ADARB2: variants seen among roughly 807,000 people sequenced by gnomAD.
The protein encoded by ADARB2 is adenosine deaminase RNA specific B2 (inactive).
ADARB2 carries 25 observed loss-of-function variants against 62.2 expected under a neutral mutation model. The observed-to-expected ratio is 0.40, with a 90% CI of 0.29 to 0.56. The LOEUF is 0.56. Among genes scored for constraint, ADARB2 ranks in the 20% least tolerant of loss-of-function variants. ADARB2 has a pLI of 0.43. For synonymous variants in ADARB2, 572 were observed against 500.8 expected, an observed-to-expected ratio of 1.14 and a Z score of -1.90; for missense variants, 1,071 against 1,077.4, an observed-to-expected ratio of 0.99 and a Z score of 0.08.
At chr10:1,544,951 A>C in intron 1 of ADARB2, among the ~76,000 whole-genome samples, 1 of 147,860 alleles carries the variant, frequency 6.8e-6, no homozygotes, top group Non-Finnish European at 1.5e-5. Flanking sequence ...TATAATAGCA[A>C]AGTATACACA....
chr10:1,578,662 A>C (rs1359207647), intron 1 of ADARB2, among the ~76,000 whole-genome samples: 1 of 144,956 alleles, frequency 6.9e-6, no homozygotes, highest in African/African-American at 2.5e-5. Context: ...TGTTACCCCA[A>C]ACACACACAC....
At chr10:1,592,160 T>C (rs1034658510) in intron 1 of ADARB2, among the ~76,000 whole-genome samples, 6 of 152,176 alleles carry the variant, frequency 3.9e-5, no homozygotes, top group African/African-American at 1.2e-4. Flanking sequence ...TGGGATAAAA[T>C]GCTTTTGATG....
chr10:1,640,420 C>T (rs1225524593), intron 1 of ADARB2, among the ~76,000 whole-genome samples: 1 of 152,140 alleles, frequency 6.6e-6, no homozygotes, highest in Non-Finnish European at 1.5e-5. Flanking sequence ...TTTTTTAAAG[C>T]AGGTTAAAAG....
At chr10:1,564,503 C>A (rs1832830531) in intron 1 of ADARB2, among the ~76,000 whole-genome samples, 1 of 152,114 alleles carries the variant, frequency 6.6e-6, no homozygotes, top group African/African-American at 2.4e-5. Context: ...ATTTTTGCAA[C>A]CTACTCATCT....
intron 1 of ADARB2, among the ~76,000 whole-genome samples, chr10:1,561,787 A>C (rs1248398742): frequency 6.6e-6 from 1 of 152,144 alleles, no homozygotes; most frequent in African/African-American, 2.4e-5. Flanking sequence ...CTTGGCACTC[A>C]GGATCCTCCC....
At position 1,676,167 on chromosome 10, in the gene ADARB2, T is replaced by G. The variant is rs188199889; in HGVS notation, c.100+60884A>C. The stretch of plus-strand genomic sequence containing the variant: ...ATGTGCAATATGAAATTAAGTGAGT[T>G]AATCGGTAGTTGGGAAATTATTAGA... On this transcript the variant is annotated intron_variant, in intron 1 of 9. Coordinates refer to ENST00000381312, the MANE Select transcript of ADARB2 (RefSeq NM_018702.4). The G allele has an allele frequency of 1.8e-4, 78 of 440,212 alleles. 1 individual carries two copies. The highest frequency in any genetic ancestry group is 1.6e-3 in the African/African-American group (76 of 46,884). The allele number at this position is 440,212 out of a possible 1,614,324, so 27.3% of individuals were successfully genotyped here.
intron 1 of ADARB2, among the ~76,000 whole-genome samples, chr10:1,634,292 A>T (rs2119048751): frequency 6.6e-6 from 1 of 152,352 alleles, no homozygotes; most frequent in Non-Finnish European, 1.5e-5. Context: ...CAGGCCACAG[A>T]CACAGCACAC....
intron 1 of ADARB2, among the ~76,000 whole-genome samples, chr10:1,510,174 C>CTT (rs1831918614): frequency 6.2e-5 from 5 of 80,622 alleles, no homozygotes; most frequent in South Asian, 4.0e-4. Context: ...CTTTCTTTTT[C>CTT]TTTCTTTCTT....
intron 1 of ADARB2, among the ~76,000 whole-genome samples, chr10:1,609,132 C>A (rs1466636109): frequency 6.6e-6 from 1 of 152,234 alleles, no homozygotes; most frequent in Non-Finnish European, 1.5e-5. Context: ...TTTCAGGGAG[C>A]CTGACCCTGC....
At chr10:1,186,472 C>T (rs1186510303) in intron 8 of ADARB2, 1 of 518,926 alleles carries the variant, frequency 1.9e-6, no homozygotes, top group East Asian at 5.4e-5. Context: ...CCTGAATCTC[C>T]CACCTCCCGC....
At chr10:1,418,147 G>A (rs61831771) in intron 1 of ADARB2, among the ~76,000 whole-genome samples, 6,716 of 152,200 alleles carry the variant, frequency 0.044, 165 homozygotes, top group East Asian at 0.092. Context: ...AAAGGGAGTC[G>A]CCCATCTAGG....
Position 1,551,178 on chromosome 10 carries a change from A to T in ADARB2, c.101-172018T>A, listed in dbSNP as rs143575997. On this transcript the variant is annotated intron_variant, in intron 1 of 9. Transcript: ENST00000381312. ...CACAGAAGGAGGACCCTGTGAGGAC[A>T]CAGAGAGAAGACGCCATCTGCAAGC... 1.1e-4 allele frequency among the ~76,000 whole-genome samples: 17 copies of T among 152,320 alleles called. No individual in the cohort carries two copies. The East Asian group carries it at 3.3e-3, about 29-fold the overall frequency.
chr10:1,296,826 A>C (rs1363762319), intron 3 of ADARB2, among the ~76,000 whole-genome samples: 1 of 152,012 alleles, frequency 6.6e-6, no homozygotes, highest in Non-Finnish European at 1.5e-5. Context: ...TTCCTTTTTC[A>C]CTCATCCCTT....
chr10:1,678,151 C>T, intron 1 of ADARB2: 1 of 985,386 alleles, frequency 1.0e-6, no homozygotes, highest in South Asian at 4.7e-5. Context: ...AGGGGCTTGG[C>T]TGAGGGGTCG....
At chr10:1,711,676 C>T (rs965863366) in intron 1 of ADARB2, among the ~76,000 whole-genome samples, 2 of 152,318 alleles carry the variant, frequency 1.3e-5, no homozygotes, top group Admixed American at 6.5e-5. Context: ...TAGCTTCCAA[C>T]AAATAGGAGT....
chr10:1,547,278 G>C (rs929154166), intron 1 of ADARB2, among the ~76,000 whole-genome samples: 7 of 142,856 alleles, frequency 4.9e-5, no homozygotes, highest in Admixed American at 4.9e-4. Flanking sequence ...ACTGTGGGGA[G>C]GGGGAGAGAG....
intron 7 of ADARB2, among the ~76,000 whole-genome samples, chr10:1,213,845 TGTGGGTTTGCATCTGTGTCCAGCATCTC>T (rs1337400756): frequency 1.3e-5 from 2 of 151,668 alleles, no homozygotes; most frequent in Admixed American, 6.6e-5. Context: ...GCCAGCGTTG[TGTGGGTTTGCATCTGTGTCCAGCATCTC>T]GTGGGTTTGC....
At chr10:1,271,796 C>T (rs1447469164) in intron 3 of ADARB2, among the ~76,000 whole-genome samples, 2 of 152,238 alleles carry the variant, frequency 1.3e-5, no homozygotes, top group Non-Finnish European at 2.9e-5. Flanking sequence ...GGCTGCAGCA[C>T]TGCCCTTTCC....
rs112405466 is a variant in ADARB2, at chr10:1,569,768, TA to T, written c.100+167282del. 4.9e-4 allele frequency among the ~76,000 whole-genome samples: 75 copies of T among 151,896 alleles called. 2 individuals are homozygous for T. Among genetic ancestry groups the T allele is most frequent in the African/African-American group, 1.7e-3 (72 of 41,260 alleles). On this transcript the variant is annotated intron_variant, in intron 1 of 9. Coordinates refer to ENST00000381312, the MANE Select transcript of ADARB2 (RefSeq NM_018702.4). Reference sequence around the variant, plus strand: ...TATTTTCTAAAGTATCATTTTTTTTTAAAAAAATGTAATACTGCTCAAAATA... The same window carrying T: ...TATTTTCTAAAGTATCATTTTTTTTTAAAAAATGTAATACTGCTCAAAATA...
Sources: gnomAD v4.1 joint callset for allele counts (sites outside exome capture counted in the v4.1 genomes callset) on GRCh38, gnomAD v4.1.1 for gene constraint, MANE v1.5 for transcripts, NCBI Gene and HGNC (gene_info 2026-07-23, HGNC 2026-07-21) for gene names.